The following ZNF141 variants were observed in gnomAD, a reference collection of about 807,000 sequenced individuals.
ZNF141 encodes zinc finger protein 141 (clone pHZ-44).
In ZNF141, 7 loss-of-function variants were observed where a neutral mutation model predicts 11.3. The ratio of observed to expected loss-of-function variants is 0.62; its 90% CI spans 0.35 to 1.16. The LOEUF (loss-of-function observed/expected upper bound fraction) is 1.16, where lower values mean the gene tolerates loss of function less well. ZNF141 is among the 50% of genes most tolerant of loss of function. The pLI is 0.02. For missense variants in ZNF141, 535 were observed against 554.0 expected (o/e 0.97, Z 0.34); for synonymous variants, 183 against 190.7 (o/e 0.96, Z 0.33).
At chr4:369,739 TATA>T (rs1711934713) in intron 3 of ZNF141, among the ~76,000 whole-genome samples, 1 of 27,506 alleles carries the variant, frequency 3.6e-5, no homozygotes, top group Non-Finnish European at 7.0e-5. Flanking sequence ...CTTAAAGAGA[TATA>T]TATATATATA....
At chr4:345,793 A>T (rs73066313) in intron 3 of ZNF141, among the ~76,000 whole-genome samples, 3 of 151,984 alleles carry the variant, frequency 2.0e-5, no homozygotes, top group African/African-American at 7.3e-5. Flanking sequence ...ACAGAAGATA[A>T]GCAAAAAAAG....
chr4:374,064 G>T lies in ZNF141; in HGVS notation c.*202G>T. On this transcript the variant is annotated 3_prime_UTR_variant, in exon 4 of 4. Coordinates refer to ENST00000240499, the MANE Select transcript of ZNF141 (RefSeq NM_003441.4). The stretch of plus-strand genomic sequence containing the variant: ...GTACAAATGTGAAGAATATGGCAAA[G>T]CCTGTGAATGGTCCACAAACCTGAA... 1.7e-6 allele frequency: 1 copy of T among 605,974 alleles called. No individual in the cohort carries two copies. Among genetic ancestry groups the T allele is most frequent in the Non-Finnish European group, 2.9e-6 (1 of 343,374 alleles). 37.5% of individuals were successfully genotyped at this position (605,974 alleles called of 1,614,324 possible).
Position 381,227 on chromosome 4 carries a change from A to G in ZNF141, c.*7365A>G, listed in dbSNP as rs1389549867. Among the ~76,000 whole-genome samples the G allele has an allele frequency of 6.6e-6, 1 of 152,070 alleles. No homozygotes were observed. Among genetic ancestry groups the G allele is most frequent in the Non-Finnish European group, 1.5e-5 (1 of 68,016 alleles). ...TTGTGCCTGTTTCTCAGTTTTGCCTAAATGCTACCAATTATCTTACACTGG... is the reference window on the plus strand; with the variant it reads ...TTGTGCCTGTTTCTCAGTTTTGCCTGAATGCTACCAATTATCTTACACTGG... On this transcript the variant is annotated 3_prime_UTR_variant, in exon 4 of 4. Coordinates refer to ENST00000240499, the MANE Select transcript of ZNF141 (RefSeq NM_003441.4).
At chr4:371,229 T>C (rs1304903218) in intron 3 of ZNF141, among the ~76,000 whole-genome samples, 3 of 151,206 alleles carry the variant, frequency 2.0e-5, no homozygotes, top group African/African-American at 7.3e-5. Context: ...TAATTTTTGT[T>C]CTGGAATTTT....
Position 383,105 on chromosome 4 carries a change from T to C in ZNF141, c.*9243T>C, listed in dbSNP as rs1712737497. The C allele has an allele frequency of 2.9e-6, 2 of 696,946 alleles. No individual in the cohort carries two copies. Among genetic ancestry groups the C allele is most frequent in the Admixed American group, 2.1e-5 (1 of 48,088 alleles). 43.2% of individuals were successfully genotyped at this position (696,946 alleles called of 1,614,324 possible). A position where few individuals can be genotyped will look rare whatever the true frequency, so the allele number is the denominator to read the frequency against. ...TGTTATCTTTTTCAGAATTCTTCCA[T>C]CTCTATGACAACAAGCCCATTTTAG... On this transcript the variant is annotated 3_prime_UTR_variant, in exon 4 of 4. Transcript: ENST00000240499.
chr4:338,497 C>G (rs1184865401), intron 1 of ZNF141: 3 of 160,732 alleles, frequency 1.9e-5, no homozygotes, highest in African/African-American at 7.2e-5. Flanking sequence ...AAATCACCCG[C>G]CCGCTCCAAC....
At chr4:365,938 C>T (rs1711721908) in intron 3 of ZNF141, among the ~76,000 whole-genome samples, 1 of 152,172 alleles carries the variant, frequency 6.6e-6, no homozygotes, top group Non-Finnish European at 1.5e-5. Flanking sequence ...TGTTGAAAAT[C>T]ACTTGCCTCT....
intron 3 of ZNF141, among the ~76,000 whole-genome samples, chr4:347,650 A>G (rs1721400252): frequency 6.6e-6 from 1 of 150,760 alleles, no homozygotes; most frequent in East Asian, 2.0e-4. Context: ...CGCCCAGCCT[A>G]GTTTTATTCT....
chr4:379,673 T>C lies in ZNF141; in HGVS notation c.*5811T>C, dbSNP rs930335615. On this transcript the variant is annotated 3_prime_UTR_variant, in exon 4 of 4. Transcript: ENST00000240499. ...CAGGCGTGAGCCACTGCGCCCAGCC[T>C]CTATGGTTATTATATTACAAAAACA... Among the ~76,000 whole-genome samples the C allele has an allele frequency of 3.3e-5, 5 of 152,234 alleles. No individual in the cohort carries two copies. Among genetic ancestry groups the C allele is most frequent in the Non-Finnish European group, 7.3e-5 (5 of 68,042 alleles).
Position 377,270 on chromosome 4 carries a change from G to A in ZNF141, c.*3408G>A, listed in dbSNP as rs1553854793. Among the ~76,000 whole-genome samples, 1 of 152,060 alleles carries A rather than the reference G, an allele frequency of 6.6e-6. No homozygotes were observed. Among genetic ancestry groups the A allele is most frequent in the African/African-American group, 2.4e-5 (1 of 41,402 alleles). On this transcript the variant is annotated 3_prime_UTR_variant, in exon 4 of 4. Transcript: ENST00000240499. ...ATTGTAGTGAACAAACAAAGTTCTG[G>A]GTGTGTAATAGATGCTTCATAATTA...
chr4:359,804 A>G (rs1246069884), intron 3 of ZNF141, among the ~76,000 whole-genome samples: 4 of 152,172 alleles, frequency 2.6e-5, no homozygotes, highest in African/African-American at 9.6e-5. Flanking sequence ...GCAAGCCTAC[A>G]TCCAGGGGCA....
In ZNF141 at chr4:373,067, G is replaced by T; in HGVS notation, c.630G>T (p.Trp210Cys). The T allele has an allele frequency of 3.7e-6, 6 of 1,613,374 alleles. No homozygotes were observed. Among genetic ancestry groups the T allele is most frequent in the Non-Finnish European group, 5.1e-6 (6 of 1,179,836 alleles). ...AAGAATGTGGCAAAGCCTTTAAATG[G>T]TCTTTAATATTTAATGAACATAAGA... Reference protein sequence around the residue: ...TCEECGKAFKWSLIFNEHKRI... With the variant: ...TCEECGKAFKCSLIFNEHKRI... The change falls in exon 4 of 4, where the codon TGG becomes TGT. Residue 210 changes from tryptophan to cysteine, a missense_variant. Physicochemically the swap from Trp to Cys is radical, Grantham distance 215. Transcript: ENST00000240499.
At chr4:368,914 G>T (rs1163005768) in intron 3 of ZNF141, among the ~76,000 whole-genome samples, 4 of 152,140 alleles carry the variant, frequency 2.6e-5, no homozygotes, top group African/African-American at 9.7e-5. Flanking sequence ...AATTTAATTA[G>T]AAATTTGACA....
At chr4:350,916 CT>C (rs35754231) in intron 3 of ZNF141, among the ~76,000 whole-genome samples, 1,650 of 139,942 alleles carry the variant, frequency 0.012, 16 homozygotes, top group African/African-American at 0.03. Flanking sequence ...ATTTTTTGTA[CT>C]TTTTTTTTTT....
At chr4:351,323 T>C (rs2108694542) in intron 3 of ZNF141, among the ~76,000 whole-genome samples, 1 of 151,180 alleles carries the variant, frequency 6.6e-6, no homozygotes, top group African/African-American at 2.4e-5. Context: ...AATGTCCGCC[T>C]CCCAGGTTCA....
At chr4:370,778 TG>T (rs1160543415) in intron 3 of ZNF141, among the ~76,000 whole-genome samples, 1 of 152,168 alleles carries the variant, frequency 6.6e-6, no homozygotes, top group Non-Finnish European at 1.5e-5. Flanking sequence ...TTGCCCAGGC[TG>T]GAATGCAGTG....
chr4:373,613 G>A lies in ZNF141; in HGVS notation c.1176G>A (p.Glu392=). The A allele has an allele frequency of 6.2e-7, 1 of 1,613,860 alleles. No homozygotes were observed. The change falls in exon 4 of 4, where the codon GAG becomes GAA. Residue 392 remains glutamate (E), a synonymous_variant. Transcript: ENST00000240499. ...LNEHKKIHTG[E]KPYKCEECGK... ...AACATAAAAAAATTCATACTGGAGA[G>A]AAACCCTACAAATGTGAAGAATGTG...
intron 3 of ZNF141, among the ~76,000 whole-genome samples, chr4:359,951 G>C (rs930058201): frequency 1.3e-5 from 2 of 152,192 alleles, no homozygotes; most frequent in South Asian, 2.1e-4. Context: ...TTTCACCTGA[G>C]ACACAGGACA....
chr4:362,981 T>C (rs1440610816), intron 3 of ZNF141, among the ~76,000 whole-genome samples: 2 of 152,262 alleles, frequency 1.3e-5, no homozygotes, highest in African/African-American at 4.8e-5. Flanking sequence ...TATGGCCATT[T>C]TCATGATATT....
Sources: gnomAD v4.1 joint callset for allele counts (sites outside exome capture counted in the v4.1 genomes callset) on GRCh38, gnomAD v4.1.1 for gene constraint, MANE v1.5 for transcripts, NCBI Gene and HGNC (gene_info 2026-07-23, HGNC 2026-07-21) for gene names.